The following KANK1 variants were observed in gnomAD, a reference collection of about 807,000 sequenced individuals.
KANK1 encodes the protein KN motif and ankyrin repeat domains 1.
In KANK1, 109 loss-of-function variants were observed where a neutral mutation model predicts 106.2. The observed-to-expected ratio is 1.03, with a 90% CI of 0.88 to 1.20. The LOEUF (loss-of-function observed/expected upper bound fraction) is 1.20. KANK1 is among the 50% of genes most tolerant of loss of function. KANK1 has a pLI of 0.00. For synonymous variants in KANK1, 873 were observed against 652.2 expected, an observed-to-expected ratio of 1.34 and a Z score of -5.16; for missense variants, 2,399 against 1,710.7, an observed-to-expected ratio of 1.40 and a Z score of -7.10.
chr9:544,576 A>T lies in KANK1; in HGVS notation c.-84+39822A>T, dbSNP rs117517200. On this transcript the variant is annotated intron_variant, in intron 1 of 11. Transcript: ENST00000382297. ...GATGGATGATGCAAAGTGAGGACGTAACATATTTCGCTGGGGAACCAGACA... is the reference window on the plus strand; with the variant it reads ...GATGGATGATGCAAAGTGAGGACGTTACATATTTCGCTGGGGAACCAGACA... 3.0e-3 allele frequency among the ~76,000 whole-genome samples: 459 copies of T among 152,314 alleles called. 15 individuals are homozygous for T. In the East Asian group the frequency reaches 0.076, roughly 25 times the overall value.
intron 1 of KANK1, among the ~76,000 whole-genome samples, chr9:649,403 A>G (rs1387057046): frequency 6.6e-6 from 1 of 152,178 alleles, no homozygotes; most frequent in Non-Finnish European, 1.5e-5. Flanking sequence ...ATAGAAGAAA[A>G]TTAAATGAAG....
intron 1 of KANK1, among the ~76,000 whole-genome samples, chr9:610,796 C>T (rs1438439723): frequency 1.3e-5 from 2 of 152,114 alleles, no homozygotes; most frequent in African/African-American, 2.4e-5. Context: ...ATCTTTGAGA[C>T]TTGATTTCAT....
chr9:612,363 T>A (rs1489106046), intron 1 of KANK1, among the ~76,000 whole-genome samples: 1 of 152,190 alleles, frequency 6.6e-6, no homozygotes, highest in Non-Finnish European at 1.5e-5. Context: ...CTGGGTGTCA[T>A]TATCTCAACA....
intron 1 of KANK1, among the ~76,000 whole-genome samples, chr9:572,257 G>C (rs1346702195): frequency 6.6e-6 from 1 of 150,544 alleles, no homozygotes; most frequent in South Asian, 2.1e-4. Context: ...CTGGGCTCAA[G>C]GCATCCTCCT....
At chr9:677,094 A>G (rs1024794165) in intron 2 of KANK1, 85 bp downstream of exon 2, 50 of 1,243,908 alleles carry the variant, frequency 4.0e-5, no homozygotes, top group Admixed American at 5.8e-5. Flanking sequence ...TGAACGGATA[A>G]TAGCAAGTTG....
At chr9:491,808 G>A (rs539448883) in intron 3 of KANK1, among the ~76,000 whole-genome samples, 2 of 152,202 alleles carry the variant, frequency 1.3e-5, no homozygotes, top group South Asian at 2.1e-4. Flanking sequence ...ATCAAATCAC[G>A]GGAGTGGGTC....
At chr9:611,253 T>C (rs1222821522) in intron 1 of KANK1, among the ~76,000 whole-genome samples, 3 of 152,272 alleles carry the variant, frequency 2.0e-5, no homozygotes, top group East Asian at 1.9e-4. Flanking sequence ...AACTAAAGAA[T>C]CTTTTAGTAA....
At chr9:513,781 C>T (rs372053755) in intron 1 of KANK1, among the ~76,000 whole-genome samples, 34 of 152,196 alleles carry the variant, frequency 2.2e-4, no homozygotes, top group African/African-American at 7.9e-4. Context: ...TTTGGGAGGC[C>T]GAGGCAGGCA....
At chr9:491,899 C>T (rs7860175) in intron 3 of KANK1, among the ~76,000 whole-genome samples, 2,680 of 152,276 alleles carry the variant, frequency 0.018, 89 homozygotes, top group African/African-American at 0.06. Flanking sequence ...CTACACAAGC[C>T]CTCTCTTTGC....
intron 1 of KANK1, among the ~76,000 whole-genome samples, chr9:623,072 C>G (rs1473665610): frequency 6.6e-6 from 1 of 151,942 alleles, no homozygotes; most frequent in Non-Finnish European, 1.5e-5. Context: ...TACATCAAGC[C>G]AAAAAGCTTC....
At position 504,764 on chromosome 9, in the gene KANK1, G is replaced by GCCC. The variant is rs1587299935; in HGVS notation, c.-84+11_-84+12insCCC. On this transcript the variant is annotated intron_variant, in intron 1 of 11. Coordinates refer to ENST00000382297, the MANE Select transcript of KANK1 (RefSeq NM_015158.5). The stretch of plus-strand genomic sequence containing the variant: ...GGAGGAGCGGCCGAAGGTGAGTGAC[G>GCCC]CGGCGGGGCCGTGCCGCGCCCCGTG... 2.2e-5 allele frequency: 1 copy of GCCC among 45,866 alleles called. No individual in the cohort carries two copies. The highest frequency in any genetic ancestry group is 1.4e-3 in the East Asian group (1 of 690). 2.8% of individuals were successfully genotyped at this position (45,866 alleles called of 1,614,324 possible).
At chr9:697,148 C>T (rs894650314) in intron 2 of KANK1, among the ~76,000 whole-genome samples, 3 of 151,930 alleles carry the variant, frequency 2.0e-5, no homozygotes, top group Admixed American at 2.0e-4. Flanking sequence ...TGGCCTCCTT[C>T]CATCTGAAAA....
Position 568,681 on chromosome 9 carries a change from C to T in KANK1, c.-84+63927C>T, listed in dbSNP as rs936137847. 6.6e-5 allele frequency among the ~76,000 whole-genome samples: 10 copies of T among 152,212 alleles called. No homozygotes were observed. The East Asian group carries it at 1.9e-3, about 29-fold the overall frequency. Reference sequence around the variant, plus strand: ...ATTTTCTAAAATTTTTTTGTAGAGACAAAATCTCAATATGTTGCCCAGGCT... The same window carrying T: ...ATTTTCTAAAATTTTTTTGTAGAGATAAAATCTCAATATGTTGCCCAGGCT... On this transcript the variant is annotated intron_variant, in intron 1 of 11. Coordinates refer to ENST00000382297, the MANE Select transcript of KANK1 (RefSeq NM_015158.5).
chr9:692,091 A>C (rs1343536841), intron 2 of KANK1, among the ~76,000 whole-genome samples: 5 of 72,614 alleles, frequency 6.9e-5, no homozygotes, highest in African/African-American at 1.9e-4. Flanking sequence ...CCTGTTTTGT[A>C]AAATTCAAAA....
intron 1 of KANK1, among the ~76,000 whole-genome samples, chr9:640,184 C>T (rs1838081884): frequency 6.6e-6 from 1 of 152,166 alleles, no homozygotes; most frequent in African/African-American, 2.4e-5. Context: ...TCTCACTGCT[C>T]AGGCAGGGGT....
chr9:693,515 A>G (rs186414397), intron 2 of KANK1: 14 of 985,368 alleles, frequency 1.4e-5, no homozygotes, highest in Non-Finnish European at 1.7e-5. Flanking sequence ...AAGATGAGAG[A>G]GGGCTTTGCC....
chr9:703,805 T>G (rs1215589567), intron 2 of KANK1, among the ~76,000 whole-genome samples: 1 of 151,976 alleles, frequency 6.6e-6, no homozygotes, highest in Non-Finnish European at 1.5e-5. Flanking sequence ...TCCACCTCTC[T>G]GGTTCAAGCA....
At chr9:723,748 A>T (rs562981757) in intron 3 of KANK1, among the ~76,000 whole-genome samples, 188 of 152,278 alleles carry the variant, frequency 1.2e-3, no homozygotes, top group African/African-American at 4.3e-3. Flanking sequence ...CAACCAATGG[A>T]AATACATGAC....
At chr9:564,344 G>T (rs1010851736) in intron 1 of KANK1, among the ~76,000 whole-genome samples, 1 of 152,124 alleles carries the variant, frequency 6.6e-6, no homozygotes, top group Non-Finnish European at 1.5e-5. Context: ...TTACAGGAGG[G>T]AGCCACCGTG....
Sources: allele counts gnomAD v4.1 joint callset (sites outside exome capture counted in the v4.1 genomes callset), GRCh38; gene constraint gnomAD v4.1.1; transcripts MANE v1.5; gene names NCBI Gene and HGNC (gene_info 2026-07-23, HGNC 2026-07-21).